CAST: variants seen among roughly 807,000 people sequenced by gnomAD.
The protein encoded by CAST is calpastatin, also known as MIR583 host.
CAST carries 76 observed loss-of-function variants against 119.6 expected under a neutral mutation model. The ratio of observed to expected loss-of-function variants is 0.64; its 90% CI spans 0.53 to 0.77. The LOEUF is 0.77. CAST is among the 30% of genes least tolerant of loss of function. The pLI is 0.00. For missense variants in CAST, 953 were observed against 946.5 expected (o/e 1.01, Z -0.09); for synonymous variants, 319 against 331.6 (o/e 0.96, Z 0.41).
At chr5:96,018,005 A>C in the CAST span, among the ~76,000 whole-genome samples, 1 of 152,182 alleles carries the variant, frequency 6.6e-6, no homozygotes, top group Non-Finnish European at 1.5e-5. Flanking sequence ...ATTCCAGGTA[A>C]TTTAACTACC....
intron 22 of CAST, among the ~76,000 whole-genome samples, chr5:96,757,100 C>A (rs1766476089): frequency 6.6e-6 from 1 of 152,198 alleles, no homozygotes; most frequent in Admixed American, 6.5e-5. Context: ...AAGGGCTTAT[C>A]CCACACTGTC....
the CAST span, among the ~76,000 whole-genome samples, chr5:96,252,779 A>T: frequency 2.6e-5 from 4 of 152,302 alleles, no homozygotes; most frequent in African/African-American, 9.6e-5. Context: ...AAATACAGGA[A>T]GTTCATCCCG....
the CAST span, among the ~76,000 whole-genome samples, chr5:96,174,197 A>T: frequency 6.6e-6 from 1 of 152,182 alleles, no homozygotes. Context: ...TGAGATTCCC[A>T]GGAGCCTCTT....
Position 96,662,486 on chromosome 5 carries a change from C to A in CAST, c.64C>A (p.Arg22Ser). The change falls in exon 1 of 32, where the codon CGC becomes AGC. Residue 22 changes from arginine (R) to serine (S), a missense_variant. Coordinates refer to ENST00000675179, the MANE Select transcript of CAST (RefSeq NM_001750.7). ...GCCCCGGCGAGCAGCCGCCGCCCGC[C>A]GCACCCATGAGGTGAGTGGCGCTCC... ...PRPRRAAAAR[R>S]THEHVSEKTS... 2 of 1,433,438 alleles carry A rather than the reference C, an allele frequency of 1.4e-6. No homozygotes were observed. The highest frequency in any genetic ancestry group is 1.4e-5 in the South Asian group (1 of 70,648). 88.8% of individuals were successfully genotyped at this position (1,433,438 alleles called of 1,614,324 possible).
At chr5:96,480,087 TG>T in the CAST span, among the ~76,000 whole-genome samples, 1 of 152,156 alleles carries the variant, frequency 6.6e-6, no homozygotes, top group African/African-American at 2.4e-5. Flanking sequence ...CTAAGAGCTT[TG>T]GAAAAACATT....
the CAST span, among the ~76,000 whole-genome samples, chr5:96,313,151 A>G: frequency 2.0e-5 from 3 of 152,170 alleles, no homozygotes; most frequent in African/African-American, 7.2e-5. Flanking sequence ...TGCTTTCTTC[A>G]ACTCAAGTTT....
intron 12 of CAST, among the ~76,000 whole-genome samples, chr5:96,740,487 T>C (rs1762445086): frequency 6.6e-6 from 1 of 152,192 alleles, no homozygotes; most frequent in African/African-American, 2.4e-5. Flanking sequence ...TCTATGCATA[T>C]CTCTGGGTCC....
chr5:96,407,815 A>C, the CAST span, among the ~76,000 whole-genome samples: 1 of 152,230 alleles, frequency 6.6e-6, no homozygotes, highest in East Asian at 1.9e-4. Flanking sequence ...ACTTGTTCCT[A>C]ATACTGCCCA....
chr5:96,616,323 C>T (rs955102875), intron 1 of CAST, among the ~76,000 whole-genome samples: 4 of 152,172 alleles, frequency 2.6e-5, no homozygotes, highest in Admixed American at 1.3e-4. Flanking sequence ...CTCTGTAGGG[C>T]AGTGTCCTAA....
chr5:96,188,092 A>T, the CAST span, among the ~76,000 whole-genome samples: 1 of 152,200 alleles, frequency 6.6e-6, no homozygotes, highest in Non-Finnish European at 1.5e-5. Context: ...ATTTCATTTC[A>T]TCATTCATTA....
the CAST span, among the ~76,000 whole-genome samples, chr5:95,980,888 T>C: frequency 6.6e-6 from 1 of 151,682 alleles, no homozygotes; most frequent in African/African-American, 2.4e-5. Flanking sequence ...CAGAGGCAGG[T>C]AAGAGACTCC....
the CAST span, among the ~76,000 whole-genome samples, chr5:96,221,823 G>A: frequency 9.9e-5 from 15 of 151,900 alleles, no homozygotes; most frequent in Non-Finnish European, 1.8e-4. Flanking sequence ...AAAAAGAACA[G>A]AACTGGAGGT....
At chr5:96,526,170 A>G (rs1745594982), upstream of CAST, among the ~76,000 whole-genome samples, 1 of 152,230 alleles carries the variant, frequency 6.6e-6, no homozygotes, top group South Asian at 2.1e-4. Flanking sequence ...AAGACAAAGT[A>G]ACAGGAGAAA....
the CAST span, among the ~76,000 whole-genome samples, chr5:96,317,190 G>A: frequency 6.6e-6 from 1 of 151,888 alleles, no homozygotes; most frequent in Non-Finnish European, 1.5e-5. Context: ...CTGGCCAGGT[G>A]TGGTGGCTCA....
chr5:96,490,630 T>C, the CAST span, among the ~76,000 whole-genome samples: 4 of 151,908 alleles, frequency 2.6e-5, no homozygotes, highest in Admixed American at 6.6e-5. Context: ...ATGACAAAAA[T>C]CATATAGCAG....
the CAST span, among the ~76,000 whole-genome samples, chr5:96,499,970 T>G: frequency 6.6e-6 from 1 of 152,128 alleles, no homozygotes; most frequent in Non-Finnish European, 1.5e-5. Flanking sequence ...ATTTCAATAT[T>G]GTGTGCCTCA....
chr5:96,399,871 A>T, the CAST span: 2 of 1,134,118 alleles, frequency 1.8e-6, no homozygotes, highest in African/African-American at 3.1e-5. Flanking sequence ...GGTAGATACA[A>T]AAAAATCAGG....
At chr5:96,060,709 T>C in the CAST span, among the ~76,000 whole-genome samples, 2 of 152,088 alleles carry the variant, frequency 1.3e-5, no homozygotes, top group African/African-American at 4.8e-5. Context: ...GCCATATGAC[T>C]AGGCTGACCA....
the CAST span, among the ~76,000 whole-genome samples, chr5:95,982,521 A>T: frequency 2.6e-5 from 4 of 152,288 alleles, no homozygotes; most frequent in East Asian, 7.7e-4. Flanking sequence ...TGGCCAAGTG[A>T]CTTATCATCT....
Sources: allele counts gnomAD v4.1 joint callset (sites outside exome capture counted in the v4.1 genomes callset), GRCh38; gene constraint gnomAD v4.1.1; transcripts MANE v1.5; gene names NCBI Gene and HGNC (gene_info 2026-07-23, HGNC 2026-07-21).